The following FRMD4A variants were observed in gnomAD, a reference collection of about 807,000 sequenced individuals.
FRMD4A encodes FERM domain containing 4A.
A neutral mutation model predicts 129.1 loss-of-function variants in FRMD4A; 29 were observed. The ratio of observed to expected loss-of-function variants is 0.22; its 90% CI spans 0.17 to 0.31. The LOEUF (loss-of-function observed/expected upper bound fraction) is 0.31, where lower values mean the gene tolerates loss of function less well. FRMD4A is among the 10% of genes least tolerant of loss of function. The pLI, the probability that FRMD4A is intolerant of heterozygous loss-of-function variation, is 1.00. For synonymous variants in FRMD4A, 634 were observed against 571.6 expected, an observed-to-expected ratio of 1.11 and a Z score of -1.56; for missense variants, 1,272 against 1,375.8, an observed-to-expected ratio of 0.92 and a Z score of 1.19.
intron 6 of FRMD4A, among the ~76,000 whole-genome samples, chr10:13,771,573 C>T (rs916068654): frequency 3.9e-5 from 6 of 152,188 alleles, no homozygotes; most frequent in African/African-American, 9.7e-5. Flanking sequence ...TTCTGAGCAT[C>T]GGCTATGTGC....
intron 2 of FRMD4A, among the ~76,000 whole-genome samples, chr10:14,160,840 G>C (rs1840846180): frequency 6.6e-6 from 1 of 152,142 alleles, no homozygotes; most frequent in Non-Finnish European, 1.5e-5. Context: ...TTTAGAATGG[G>C]GTTATCAAAG....
At chr10:14,115,261 C>G (rs550861875) in intron 2 of FRMD4A, among the ~76,000 whole-genome samples, 4 of 152,226 alleles carry the variant, frequency 2.6e-5, no homozygotes, top group Non-Finnish European at 4.4e-5. Context: ...CTGCCTTGCA[C>G]GCTGCAGGTA....
chr10:13,754,136 G>A (rs1167449560), intron 8 of FRMD4A, among the ~76,000 whole-genome samples: 3 of 152,076 alleles, frequency 2.0e-5, no homozygotes, highest in African/African-American at 7.2e-5. Context: ...CCATAGCCAT[G>A]AAACGTTTTG....
intron 13 of FRMD4A, 119 bp from the exon 14 acceptor site, chr10:13,701,597 A>T (rs1589445165): frequency 2.4e-6 from 2 of 832,814 alleles, no homozygotes; most frequent in South Asian, 3.2e-5. Context: ...AAGATGATAG[A>T]TGAGCTCTCA....
At chr10:13,829,123 TG>T (rs543589727) in intron 3 of FRMD4A, among the ~76,000 whole-genome samples, 99 of 152,266 alleles carry the variant, frequency 6.5e-4, no homozygotes, top group African/African-American at 2.4e-3. Flanking sequence ...CTCACCCAAA[TG>T]GTGAGTGTTA....
intron 2 of FRMD4A, among the ~76,000 whole-genome samples, chr10:14,181,678 G>A (rs1276956755): frequency 6.6e-6 from 1 of 152,150 alleles, no homozygotes; most frequent in Non-Finnish European, 1.5e-5. Context: ...TGTACGCATT[G>A]TGAAATGATT....
intron 2 of FRMD4A, among the ~76,000 whole-genome samples, chr10:13,935,313 C>T (rs190073155): frequency 5.8e-4 from 88 of 152,004 alleles, no homozygotes; most frequent in African/African-American, 2.0e-3. Flanking sequence ...TGGTGCACAC[C>T]TGCAATCCCA....
intron 2 of FRMD4A, among the ~76,000 whole-genome samples, chr10:14,211,325 G>A (rs998383583): frequency 1.4e-4 from 22 of 152,292 alleles, no homozygotes; most frequent in African/African-American, 5.3e-4. Flanking sequence ...GCTTGGAAAA[G>A]TGAGGCTGCT....
At chr10:13,730,187 G>C (rs1028367306) in intron 12 of FRMD4A, among the ~76,000 whole-genome samples, 1 of 152,060 alleles carries the variant, frequency 6.6e-6, no homozygotes, top group Non-Finnish European at 1.5e-5. Context: ...AGGCTTTCTC[G>C]GGCTTCAATC....
chr10:14,277,390 T>C (rs1196941435), intron 2 of FRMD4A, among the ~76,000 whole-genome samples: 1 of 152,226 alleles, frequency 6.6e-6, no homozygotes, highest in African/African-American at 2.4e-5. Context: ...AGAACTATTA[T>C]GAATGGGATT....
At chr10:14,137,693 C>T (rs750671751) in intron 2 of FRMD4A, among the ~76,000 whole-genome samples, 3 of 152,168 alleles carry the variant, frequency 2.0e-5, no homozygotes, top group Admixed American at 2.0e-4. Flanking sequence ...CTTGTTCATA[C>T]CCCGCAACCA....
At chr10:13,733,716 C>A (rs7916684) in intron 12 of FRMD4A, among the ~76,000 whole-genome samples, 1 of 152,200 alleles carries the variant, frequency 6.6e-6, no homozygotes, top group Non-Finnish European at 1.5e-5. Flanking sequence ...CGTGAGCCAC[C>A]TCACCTGGCC....
intron 2 of FRMD4A, among the ~76,000 whole-genome samples, chr10:14,169,264 G>C (rs968567176): frequency 6.6e-6 from 1 of 151,814 alleles, no homozygotes. Flanking sequence ...CTGCCACTTC[G>C]ACTTCTGATT....
At chr10:13,789,719 G>C (rs929623587) in intron 5 of FRMD4A, among the ~76,000 whole-genome samples, 2 of 146,708 alleles carry the variant, frequency 1.4e-5, no homozygotes, top group African/African-American at 5.0e-5. Context: ...ACAATGGTTT[G>C]CAGTTCAAGG....
intron 15 of FRMD4A, chr10:13,693,421 A>G: frequency 1.4e-6 from 1 of 729,088 alleles, no homozygotes. Context: ...GAATGGAGAA[A>G]TCATGCCCTG....
intron 2 of FRMD4A, among the ~76,000 whole-genome samples, chr10:14,133,977 A>G (rs1301487726): frequency 6.6e-6 from 1 of 152,214 alleles, no homozygotes; most frequent in Non-Finnish European, 1.5e-5. Context: ...GTTTCTTGGT[A>G]TCTGATTGGA....
At chr10:14,053,394 C>A (rs1410983648) in intron 2 of FRMD4A, among the ~76,000 whole-genome samples, 3 of 152,148 alleles carry the variant, frequency 2.0e-5, no homozygotes, top group Non-Finnish European at 2.9e-5. Flanking sequence ...GTGCAGGGGG[C>A]ACCTTGTGCA....
At chr10:13,843,185 G>C (rs969829552) in intron 3 of FRMD4A, among the ~76,000 whole-genome samples, 1 of 152,132 alleles carries the variant, frequency 6.6e-6, no homozygotes, top group African/African-American at 2.4e-5. Flanking sequence ...ATGCTGCATC[G>C]GATTCTGGCT....
At chr10:14,151,392 G>A (rs1376446046) in intron 2 of FRMD4A, among the ~76,000 whole-genome samples, 1 of 152,212 alleles carries the variant, frequency 6.6e-6, no homozygotes, top group Non-Finnish European at 1.5e-5. Flanking sequence ...ATTATCTTAA[G>A]TGAACTAACA....
Sources: allele counts gnomAD v4.1 joint callset (sites outside exome capture counted in the v4.1 genomes callset), GRCh38; gene constraint gnomAD v4.1.1; transcripts MANE v1.5; gene names NCBI Gene and HGNC (gene_info 2026-07-23, HGNC 2026-07-21).